The following GRID2IP variants were observed in gnomAD, a reference collection of about 807,000 sequenced individuals.
The protein encoded by GRID2IP is Grid2 interacting protein.
In GRID2IP, 78 loss-of-function variants were observed where a neutral mutation model predicts 114.3. The observed-to-expected ratio is 0.68, with a 90% CI of 0.57 to 0.82. The LOEUF (loss-of-function observed/expected upper bound fraction) is 0.82, where lower values mean the gene tolerates loss of function less well. GRID2IP is among the 40% of genes least tolerant of loss of function. GRID2IP has a pLI of 0.00. For missense variants in GRID2IP, 1,727 were observed against 1,678.5 expected (o/e 1.03, Z -0.51); for synonymous variants, 809 against 724.0 (o/e 1.12, Z -1.89).
chr7:6,526,279 G>C lies in GRID2IP; in HGVS notation c.864C>G (p.Ser288Arg), dbSNP rs1355497738. 1 of 1,552,038 alleles carries C rather than the reference G, an allele frequency of 6.4e-7. No homozygotes were observed. ...RTVRVYKGNK[S>R]FGFTLRGHGP... ...CGTGGCCGCGAAGTGTGAAGCCGAA[G>C]CTCTTGTTGCCTTTGTAGACTCGGA... The change falls in exon 4 of 22, where the codon AGC becomes AGG. Residue 288 changes from serine to arginine, a missense_variant. Transcript: ENST00000457091. This position sits in a 1 kb window ranked among gnomAD's most constrained non-coding sequence, Gnocchi z 7.6.
chr7:6,550,140 C>A (rs908814496), intron 1 of GRID2IP, among the ~76,000 whole-genome samples: 3 of 151,992 alleles, frequency 2.0e-5, no homozygotes, highest in Non-Finnish European at 4.4e-5. Context: ...ATAAGGCATG[C>A]ACCACCATGC....
rs745505031 is a variant in GRID2IP at position 6,498,176 on chromosome 7, C to T, written c.3452G>A (p.Arg1151His). The change falls in exon 21 of 22, where the codon CGC becomes CAC. Residue 1151 changes from arginine to histidine, a missense_variant. By Grantham distance (29) the Arg-to-His change is conservative. Transcript: ENST00000457091. ...PALRALDGLQ[R>H]EAMEELGKAL... ...CTTGCCCAGCTCCTCCATGGCCTCG[C>T]GCTGCAGCCCGTCGAGCGCCCGAAG... The T allele has an allele frequency of 6.6e-5, 103 of 1,550,988 alleles. 1 individual carries two copies. In the African/African-American group the frequency reaches 9.3e-4, roughly 14 times the overall value.
chr7:6,514,232 C>A, intron 8 of GRID2IP, 143 bp downstream of exon 8: 1 of 788,892 alleles, frequency 1.3e-6, no homozygotes, highest in Non-Finnish European at 1.9e-6. Flanking sequence ...CAGCCTGGGG[C>A]ACAAGAGTGA....
Position 6,517,927 on chromosome 7 carries a change from T to C in GRID2IP, c.1268+2651A>G, listed in dbSNP as rs1224742051. Among the ~76,000 whole-genome samples the C allele has an allele frequency of 2.8e-5, 4 of 141,916 alleles. No individual in the cohort carries two copies. The East Asian group carries it at 8.0e-4, about 28-fold the overall frequency. The allele number at this position is 141,916 out of a possible 152,430, so 93.1% of individuals were successfully genotyped here. A position where few individuals can be genotyped will look rare whatever the true frequency, so the allele number is the denominator to read the frequency against. On this transcript the variant is annotated intron_variant, in intron 7 of 21. Coordinates refer to ENST00000457091, the MANE Select transcript of GRID2IP (RefSeq NM_001145118.2). ...CAAAATAAATAAATAAATAAATAAA[T>C]AAATAAAATAAAATATACAAGGGGC...
At chr7:6,497,923 T>G in intron 21 of GRID2IP, 78 bp from the exon 22 acceptor site, 1 of 1,414,508 alleles carries the variant, frequency 7.1e-7, no homozygotes, top group African/African-American at 1.4e-5. Flanking sequence ...CTTCCCACAC[T>G]AGACAGCCCA....
chr7:6,510,444 C>T (rs1334484483), intron 10 of GRID2IP, 44 bp from the exon 11 acceptor site: 77 of 1,433,926 alleles, frequency 5.4e-5, no homozygotes, highest in Non-Finnish European at 6.2e-5. Flanking sequence ...TGCTTCCCCT[C>T]GTAGCCCTAA....
chr7:6,520,746 T>A lies in GRID2IP; in HGVS notation c.1100A>T (p.Asp367Val), dbSNP rs1482760194. 1 of 1,550,882 alleles carries A rather than the reference T, an allele frequency of 6.4e-7. No individual in the cohort carries two copies. The highest frequency in any genetic ancestry group is 8.7e-7 in the Non-Finnish European group (1 of 1,146,532). Residue 367 changes from aspartate (D) to valine (V), a missense_variant, in exon 7 of 22, where the codon GAC becomes GTC. Physicochemically the swap from Asp to Val is radical, Grantham distance 152 (BLOSUM62 -3). Transcript: ENST00000457091. The surrounding 1 kb of genome is among the most constrained non-coding windows in gnomAD (Gnocchi z 4.6). ...GAGCGCCGACGACGGGTTGGGTGAGTCCAGAGAATCGGAGTCTGCTGGGAC... is the reference window on the plus strand; with the variant it reads ...GAGCGCCGACGACGGGTTGGGTGAGACCAGAGAATCGGAGTCTGCTGGGAC... ...VPFASDSDSL[D>V]SPNPSSALTS... is the part of the protein sequence containing the mutation.
intron 2 of GRID2IP, among the ~76,000 whole-genome samples, chr7:6,533,144 TA>T (rs1463421971): frequency 3.9e-5 from 6 of 152,186 alleles, no homozygotes; most frequent in African/African-American, 7.2e-5. Context: ...TACTGGCATC[TA>T]GGGGGTAGAG....
chr7:6,508,999 T>C lies in GRID2IP; in HGVS notation c.2086A>G (p.Ile696Val). The C allele has an allele frequency of 1.3e-6, 2 of 1,542,456 alleles. No homozygotes were observed. The highest frequency in any genetic ancestry group is 2.0e-5 in the Admixed American group (1 of 50,628). ...TCCGGGGTCAGGAAATCATCCACGA[T>C]GGTGACCCGGGGGCCCAGCTGCTCG... ...LSEQLGPRVT[I>V]VDDFLTPEND... Residue 696 changes from isoleucine (I) to valine (V), a missense_variant, in exon 12 of 22, where the codon ATC (isoleucine) becomes GTC (valine). By Grantham distance (29) the Ile-to-Val change is conservative. Transcript: ENST00000457091. This position sits in a 1 kb window ranked among gnomAD's most constrained non-coding sequence, Gnocchi z 5.6.
chr7:6,533,976 T>C (rs993386855), intron 2 of GRID2IP, among the ~76,000 whole-genome samples: 2 of 152,268 alleles, frequency 1.3e-5, no homozygotes, highest in Middle Eastern at 6.8e-3. Context: ...ATGGTGTTCA[T>C]GACACTTGGC....
At chr7:6,529,043 C>T (rs1779567650) in intron 2 of GRID2IP, among the ~76,000 whole-genome samples, 1 of 152,200 alleles carries the variant, frequency 6.6e-6, no homozygotes, top group South Asian at 2.1e-4. Flanking sequence ...GTCCACCTCA[C>T]TTCCGGCTCC....
At position 6,528,449 on chromosome 7, in the gene GRID2IP, C is replaced by CT. The variant is rs1779557511; in HGVS notation, c.585-1681dup. ...GGCACAGCTGGCATCAGAGAACAGA[C>CT]TTCAGCGCTCAGCACTGTGGCAGGA... On this transcript the variant is annotated intron_variant, in intron 2 of 21. Transcript: ENST00000457091. The surrounding 1 kb of genome is among the most constrained non-coding windows in gnomAD (Gnocchi z 6.0). Among the ~76,000 whole-genome samples the CT allele has an allele frequency of 6.6e-6, 1 of 152,208 alleles. No homozygotes were observed. Among genetic ancestry groups the CT allele is most frequent in the East Asian group, 1.9e-4 (1 of 5,186 alleles).
Position 6,521,547 on chromosome 7 carries a change from AG to A in GRID2IP, c.990-25del. On this transcript the variant is annotated intron_variant, in intron 5 of 21. Coordinates refer to ENST00000457091, the MANE Select transcript of GRID2IP (RefSeq NM_001145118.2). This position sits in a 1 kb window ranked among gnomAD's most constrained non-coding sequence, Gnocchi z 4.1. ...TCCTGCCAAGCAGAGATGGCCCAGGAGGGCCTGACTGGGGTGAGCCCTGTCC... is the reference window on the plus strand; with the variant it reads ...TCCTGCCAAGCAGAGATGGCCCAGGAGGCCTGACTGGGGTGAGCCCTGTCC... 1 of 1,513,464 alleles carries A rather than the reference AG, an allele frequency of 6.6e-7. No individual in the cohort carries two copies. Among genetic ancestry groups the A allele is most frequent in the Non-Finnish European group, 8.9e-7 (1 of 1,121,022 alleles). 93.8% of individuals were successfully genotyped at this position (1,513,464 alleles called of 1,614,324 possible).
chr7:6,525,176 A>G (rs1446582917), intron 4 of GRID2IP, among the ~76,000 whole-genome samples: 2 of 151,970 alleles, frequency 1.3e-5, no homozygotes, highest in Middle Eastern at 3.4e-3. Context: ...GTGTGGTGGC[A>G]GGCGCCTGTA....
At chr7:6,543,443 A>C (rs1779842635) in intron 1 of GRID2IP, among the ~76,000 whole-genome samples, 2 of 150,428 alleles carry the variant, frequency 1.3e-5, no homozygotes, top group South Asian at 4.2e-4. Flanking sequence ...TCACCAGGCC[A>C]CAGACACCTC....
chr7:6,525,130 C>T, intron 4 of GRID2IP, among the ~76,000 whole-genome samples: 1 of 152,066 alleles, frequency 6.6e-6, no homozygotes, highest in Non-Finnish European at 1.5e-5. Flanking sequence ...CATGACGAAG[C>T]CCCATCTCTA....
intron 9 of GRID2IP, 23 bp downstream of exon 9, chr7:6,510,885 C>T: frequency 6.5e-7 from 1 of 1,548,956 alleles, no homozygotes; most frequent in Middle Eastern, 1.7e-4. Context: ...CCATTCATAC[C>T]CTCCCCCTGA....
At position 6,497,553 on chromosome 7, in the gene GRID2IP, C is replaced by G; in HGVS notation, c.*221G>C. On this transcript the variant is annotated 3_prime_UTR_variant, in exon 22 of 22. Transcript: ENST00000457091. ...ACGGTCCTCCATGTGCAGGCACACT[C>G]AGCACCTGCTCCTACAGCATCTGGC... is the stretch of plus-strand genomic sequence containing the variant. 2.1e-6 allele frequency: 1 copy of G among 481,424 alleles called. No homozygotes were observed. The highest frequency in any genetic ancestry group is 3.5e-5 in the East Asian group (1 of 28,726). The allele number at this position is 481,424 out of a possible 1,614,324, so 29.8% of individuals were successfully genotyped here.
At chr7:6,518,862 A>G (rs1779360177) in intron 7 of GRID2IP, among the ~76,000 whole-genome samples, 2 of 152,244 alleles carry the variant, frequency 1.3e-5, no homozygotes, top group Non-Finnish European at 2.9e-5. Flanking sequence ...AGCTAAACAC[A>G]TAGTAATTGG....
Sources: gnomAD v4.1 joint callset for allele counts (sites outside exome capture counted in the v4.1 genomes callset) on GRCh38, gnomAD v4.1.1 for gene constraint, Gnocchi (gnomAD v3.1) non-coding constraint, MANE v1.5 for transcripts, NCBI Gene and HGNC (gene_info 2026-07-23, HGNC 2026-07-21) for gene names.